The following KSR1 variants were observed in gnomAD, a reference collection of about 807,000 sequenced individuals.
KSR1 encodes kinase suppressor of ras.
In KSR1, 35 loss-of-function variants were observed where a neutral mutation model predicts 92.9. The ratio of observed to expected loss-of-function variants is 0.38; its 90% CI spans 0.29 to 0.50. The LOEUF (loss-of-function observed/expected upper bound fraction) is 0.50. KSR1 is among the 20% of genes least tolerant of loss of function. KSR1 has a pLI of 0.94. For missense variants in KSR1, 972 were observed against 1,158.5 expected (o/e 0.84, Z 2.34); for synonymous variants, 467 against 472.6 (o/e 0.99, Z 0.15).
At chr17:27,561,684 C>A (rs1250645054) in intron 2 of KSR1, among the ~76,000 whole-genome samples, 1 of 152,200 alleles carries the variant, frequency 6.6e-6, no homozygotes, top group Admixed American at 6.5e-5. Flanking sequence ...CCTTCTGGAA[C>A]TGGCAGACAT....
At chr17:27,480,286 C>T (rs1176264920) in intron 1 of KSR1, among the ~76,000 whole-genome samples, 1 of 152,242 alleles carries the variant, frequency 6.6e-6, no homozygotes, top group Non-Finnish European at 1.5e-5. Flanking sequence ...CCCCACCTAA[C>T]ACATACTGTG....
chr17:27,457,172 A>T (rs760394051), intron 1 of KSR1, among the ~76,000 whole-genome samples: 1 of 146,842 alleles, frequency 6.8e-6, no homozygotes, highest in African/African-American at 2.5e-5. Flanking sequence ...CCCCATTTCC[A>T]GTTTGCGGGG....
chr17:27,519,586 G>A (rs1047121163), intron 1 of KSR1, among the ~76,000 whole-genome samples: 4 of 152,172 alleles, frequency 2.6e-5, no homozygotes, highest in Admixed American at 6.5e-5. Flanking sequence ...TGTCAGTCCC[G>A]GGACCCCAGC....
intron 1 of KSR1, among the ~76,000 whole-genome samples, chr17:27,495,360 G>A (rs980903066): frequency 6.6e-6 from 1 of 152,224 alleles, no homozygotes; most frequent in African/African-American, 2.4e-5. Flanking sequence ...CTCTGTGTGT[G>A]AGTGTGACTG....
chr17:27,603,754 G>A (rs1388482965), intron 11 of KSR1, 80 bp from the exon 12 acceptor site: 1 of 1,420,122 alleles, frequency 7.0e-7, no homozygotes, highest in Non-Finnish European at 9.9e-7. Context: ...CTCTCTGGGG[G>A]TGCTGGGTTT....
At chr17:27,578,753 G>C (rs972646570) in intron 3 of KSR1, 8 of 152,252 alleles carry the variant, frequency 5.3e-5, no homozygotes, top group African/African-American at 1.9e-4. Flanking sequence ...TTAAGTGGTA[G>C]TGACCTATTT....
At chr17:27,547,650 G>C (rs1479260685) in intron 1 of KSR1, among the ~76,000 whole-genome samples, 2 of 152,062 alleles carry the variant, frequency 1.3e-5, no homozygotes, top group African/African-American at 4.8e-5. Context: ...ACAGAGTCTT[G>C]CTCTGTCACC....
chr17:27,577,362 G>T lies in KSR1; in HGVS notation c.373-130G>T, dbSNP rs909730351. ...CTGCTTGTGTCCCCAAGCACGTGGT[G>T]GCTCTGGTCAGAGGCCGGCCCAGCC... On this transcript the variant is annotated intron_variant, in intron 2 of 20. Coordinates refer to ENST00000644974, the MANE Select transcript of KSR1 (RefSeq NM_001394583.1). The surrounding 1 kb of genome is among the most constrained non-coding windows in gnomAD (Gnocchi z 4.5). 1 of 608,604 alleles carries T rather than the reference G, an allele frequency of 1.6e-6. No individual in the cohort carries two copies. The highest frequency in any genetic ancestry group is 1.9e-5 in the South Asian group (1 of 51,642). The allele number at this position is 608,604 out of a possible 1,614,324, so 37.7% of individuals were successfully genotyped here.
At chr17:27,553,251 T>TA (rs1176835856) in intron 2 of KSR1, among the ~76,000 whole-genome samples, 5 of 152,138 alleles carry the variant, frequency 3.3e-5, no homozygotes, top group Non-Finnish European at 7.3e-5. Flanking sequence ...ACCTCTCTCT[T>TA]ACCCTCAGCT....
At chr17:27,525,991 A>ACCTTTTCTTTTCTTTTCTTTTCTTTT (rs755997835) in intron 1 of KSR1, among the ~76,000 whole-genome samples, 4 of 71,178 alleles carry the variant, frequency 5.6e-5, no homozygotes, top group Non-Finnish European at 1.0e-4. Flanking sequence ...ACTGCAACTA[A>ACCTTTTCTTTTCTTTTCTTTTCTTTT]CTTTTCTTTT....
At chr17:27,616,820 C>G (rs1345914555) in intron 18 of KSR1, among the ~76,000 whole-genome samples, 1 of 152,238 alleles carries the variant, frequency 6.6e-6, no homozygotes, top group Non-Finnish European at 1.5e-5. Flanking sequence ...AGCTGTTCTG[C>G]TGACTCTTAG....
intron 1 of KSR1, among the ~76,000 whole-genome samples, chr17:27,517,196 A>G (rs942342972): frequency 2.6e-5 from 4 of 152,198 alleles, no homozygotes; most frequent in African/African-American, 9.7e-5. Context: ...TTTGTCGTCT[A>G]TTGCCTTTAA....
At chr17:27,617,558 G>A (rs1427970940) in intron 19 of KSR1, 130 bp downstream of exon 19, 41 of 1,132,702 alleles carry the variant, frequency 3.6e-5, no homozygotes, top group East Asian at 5.3e-5. Context: ...ACAGAGTCTC[G>A]CTCTTGTCAT....
chr17:27,552,109 C>T (rs1222531084), intron 2 of KSR1, among the ~76,000 whole-genome samples: 1 of 152,182 alleles, frequency 6.6e-6, no homozygotes, highest in Non-Finnish European at 1.5e-5. Flanking sequence ...GTCACCGCCT[C>T]CAGGCAGTCG....
chr17:27,606,425 G>A (rs764060356), intron 14 of KSR1, among the ~76,000 whole-genome samples: 1 of 152,208 alleles, frequency 6.6e-6, no homozygotes, highest in Non-Finnish European at 1.5e-5. Context: ...ATATACTCAC[G>A]TTTTTAAACT....
intron 19 of KSR1, 71 bp downstream of exon 19, chr17:27,617,499 C>CCTT: frequency 6.6e-7 from 1 of 1,520,160 alleles, no homozygotes; most frequent in Non-Finnish European, 8.9e-7. Context: ...TTAGAGGGCA[C>CCTT]CTTCTGATCT....
At chr17:27,457,344 C>A (rs1215616872) in intron 1 of KSR1, among the ~76,000 whole-genome samples, 2 of 152,254 alleles carry the variant, frequency 1.3e-5, no homozygotes, top group Non-Finnish European at 2.9e-5. Flanking sequence ...CCTGTCCCTT[C>A]CTTTCCTCTC....
chr17:27,560,488 A>G (rs772310701), intron 2 of KSR1: 1 of 518,962 alleles, frequency 1.9e-6, no homozygotes, highest in East Asian at 5.4e-5. Flanking sequence ...TCCTGACTGG[A>G]CATGTTTCTC....
At position 27,601,978 on chromosome 17, in the gene KSR1, C is replaced by A. The variant is rs532518356; in HGVS notation, c.1510+577C>A. On this transcript the variant is annotated intron_variant, in intron 11 of 20. Coordinates refer to ENST00000644974, the MANE Select transcript of KSR1 (RefSeq NM_001394583.1). The stretch of plus-strand genomic sequence containing the variant: ...CTTTCAGTAAGTCAATACATTGAGT[C>A]CCTTCTGCAAAAGTTGTTTTCTACA... 5.1e-6 allele frequency: 8 copies of A among 1,569,204 alleles called. No homozygotes were observed. The African/African-American group carries it at 1.1e-4, about 21-fold the overall frequency.
Sources: gnomAD v4.1 joint callset for allele counts (sites outside exome capture counted in the v4.1 genomes callset) on GRCh38, gnomAD v4.1.1 for gene constraint, Gnocchi (gnomAD v3.1) non-coding constraint, MANE v1.5 for transcripts, NCBI Gene and HGNC (gene_info 2026-07-23, HGNC 2026-07-21) for gene names.